The following GNG12 variants were observed in gnomAD, a reference collection of about 807,000 sequenced individuals.
GNG12 encodes guanine nucleotide-binding protein G(I)/G(S)/G(O) subunit gamma-12.
For missense variants in GNG12, 69 were observed against 83.8 expected (o/e 0.82, Z 0.69); for synonymous variants, 28 against 29.7 (o/e 0.94, Z 0.19).
Position 67,778,591 on chromosome 1 carries a change from C to T in GNG12, c.-76-1084G>A, listed in dbSNP as rs569664488. ...GCCAGGAACTGTTCTTGGCATGCCC[C>T]CATCTTACCCCAATTAAACGTCACA... is the stretch of plus-strand genomic sequence containing the variant. On this transcript the variant is annotated intron_variant, in intron 1 of 3. Coordinates refer to ENST00000370982, the MANE Select transcript of GNG12 (RefSeq NM_018841.6). Among the ~76,000 whole-genome samples, 10 of 152,250 alleles carry T rather than the reference C, an allele frequency of 6.6e-5. No individual in the cohort carries two copies. In the East Asian group the frequency reaches 1.3e-3, roughly 21 times the overall value.
chr1:67,764,995 A>G (rs1480217724), intron 2 of GNG12, among the ~76,000 whole-genome samples: 1 of 152,262 alleles, frequency 6.6e-6, no homozygotes, highest in Non-Finnish European at 1.5e-5. Context: ...TGGGTCAAAA[A>G]GCAACAGATT....
At chr1:67,771,685 A>G (rs1646675574) in intron 2 of GNG12, among the ~76,000 whole-genome samples, 1 of 152,254 alleles carries the variant, frequency 6.6e-6, no homozygotes, top group Non-Finnish European at 1.5e-5. Flanking sequence ...GACCCACCAC[A>G]GCAGACACAG....
intron 1 of GNG12, among the ~76,000 whole-genome samples, chr1:67,797,754 A>C (rs1570557607): frequency 6.6e-6 from 1 of 152,202 alleles, no homozygotes; most frequent in Non-Finnish European, 1.5e-5. Flanking sequence ...GTCCAATTCC[A>C]GTCAACCAGG....
chr1:67,795,857 A>G (rs1253103009), intron 1 of GNG12, among the ~76,000 whole-genome samples: 2 of 152,234 alleles, frequency 1.3e-5, no homozygotes, highest in Non-Finnish European at 2.9e-5. Flanking sequence ...AGGCAGGCAG[A>G]CCAACAGAGA....
At chr1:67,720,885 T>C (rs1406732177) in intron 2 of GNG12, among the ~76,000 whole-genome samples, 1 of 152,222 alleles carries the variant, frequency 6.6e-6, no homozygotes, top group Admixed American at 6.5e-5. Context: ...AAAATAGAAA[T>C]GGGAGCATAT....
chr1:67,740,154 C>G (rs1251151534), intron 2 of GNG12, among the ~76,000 whole-genome samples: 1 of 152,046 alleles, frequency 6.6e-6, no homozygotes, highest in Non-Finnish European at 1.5e-5. Context: ...ATAGTTTTAC[C>G]CGTGCTACTC....
At chr1:67,725,979 AAACAACT>A (rs1159254958) in intron 2 of GNG12, among the ~76,000 whole-genome samples, 12 of 152,244 alleles carry the variant, frequency 7.9e-5, no homozygotes, top group Admixed American at 3.9e-4. Context: ...ATGTTACTAT[AAACAACT>A]TGCTTGTTAA....
chr1:67,784,669 T>C (rs12036392), intron 1 of GNG12, among the ~76,000 whole-genome samples: 39,754 of 152,102 alleles, frequency 0.26, 5,455 homozygotes, highest in South Asian at 0.35. Context: ...TCTTGTAAGT[T>C]TGAATAAGTT....
intron 2 of GNG12, among the ~76,000 whole-genome samples, chr1:67,742,806 C>G (rs1427726381): frequency 6.6e-6 from 1 of 151,798 alleles, no homozygotes; most frequent in East Asian, 1.9e-4. Flanking sequence ...TATGGGCATA[C>G]ATTTATTTTA....
rs1646645156 is a variant in GNG12 at position 67,767,107 on chromosome 1, C to T, written c.-27+10351G>A. On this transcript the variant is annotated intron_variant, in intron 2 of 3. Transcript: ENST00000370982. ...TACAAAATTAGGAATATCACATTAGCTACAGGGCATTGGAATGGGATGTTG... is the reference window on the plus strand; with the variant it reads ...TACAAAATTAGGAATATCACATTAGTTACAGGGCATTGGAATGGGATGTTG... Among the ~76,000 whole-genome samples the T allele has an allele frequency of 2.0e-5, 3 of 152,156 alleles. No individual in the cohort carries two copies. The South Asian group carries it at 6.2e-4, about 31-fold the overall frequency.
At chr1:67,818,484 C>T (rs147192374) in intron 1 of GNG12, among the ~76,000 whole-genome samples, 4 of 131,592 alleles carry the variant, frequency 3.0e-5, no homozygotes, top group Admixed American at 1.8e-4. Context: ...AAAAATTCAG[C>T]GAAAAGGAAC....
At position 67,709,990 on chromosome 1, in the gene GNG12, ATATATATAGT is replaced by A. The variant is rs1450250747; in HGVS notation, c.-26-2288_-26-2279del. 3.1e-4 allele frequency among the ~76,000 whole-genome samples: 16 copies of A among 50,992 alleles called. 1 individual carries two copies. Among genetic ancestry groups the A allele is most frequent in the South Asian group, 7.5e-4 (1 of 1,332 alleles). The allele number at this position is 50,992 out of a possible 152,430, so 33.5% of individuals were successfully genotyped here. A position where few individuals can be genotyped will look rare whatever the true frequency, so the allele number is the denominator to read the frequency against. On this transcript the variant is annotated intron_variant, in intron 2 of 3. Coordinates refer to ENST00000370982, the MANE Select transcript of GNG12 (RefSeq NM_018841.6). ...TATATATAGTTATATATATATAGTT[ATATATATAGT>A]TATATATATAGTTATATATATAGTT...
intron 2 of GNG12, among the ~76,000 whole-genome samples, chr1:67,708,680 A>AT (rs1646264359): frequency 6.6e-6 from 1 of 152,166 alleles, no homozygotes; most frequent in East Asian, 1.9e-4. Context: ...GCCCTGACCT[A>AT]TATGGCTAAG....
At chr1:67,809,876 A>T (rs1302098537) in intron 1 of GNG12, among the ~76,000 whole-genome samples, 1 of 152,192 alleles carries the variant, frequency 6.6e-6, no homozygotes, top group Non-Finnish European at 1.5e-5. Flanking sequence ...TTAAAAAAAA[A>T]ATTAGACATA....
intron 2 of GNG12, among the ~76,000 whole-genome samples, chr1:67,737,754 T>A (rs1365958731): frequency 6.6e-6 from 1 of 152,200 alleles, no homozygotes; most frequent in Admixed American, 6.5e-5. Context: ...CATCTTCATA[T>A]ACTTTAACAA....
intron 1 of GNG12, among the ~76,000 whole-genome samples, chr1:67,818,874 G>A (rs972068229): frequency 3.9e-5 from 6 of 152,102 alleles, no homozygotes; most frequent in African/African-American, 1.2e-4. Context: ...AGACACAGCC[G>A]TTAAAAACAT....
chr1:67,803,849 G>A (rs1646880335), intron 1 of GNG12, among the ~76,000 whole-genome samples: 1 of 152,176 alleles, frequency 6.6e-6, no homozygotes, highest in Admixed American at 6.5e-5. Flanking sequence ...AGGGAATGAT[G>A]TTTCTGCTAC....
chr1:67,705,347 A>G lies in GNG12; in HGVS notation c.*104T>C. ...CATTATTCCAAGCTGAGAACATTTT[A>G]GTTATTAGCAGTGGTTACCAAATAA... On this transcript the variant is annotated 3_prime_UTR_variant, in exon 4 of 4. Coordinates refer to ENST00000370982, the MANE Select transcript of GNG12 (RefSeq NM_018841.6). 6.7e-7 allele frequency: 1 copy of G among 1,492,386 alleles called. No individual in the cohort carries two copies. The highest frequency in any genetic ancestry group is 8.9e-7 in the Non-Finnish European group (1 of 1,121,014). The allele number at this position is 1,492,386 out of a possible 1,614,324, so 92.4% of individuals were successfully genotyped here. A position where few individuals can be genotyped will look rare whatever the true frequency, so the allele number is the denominator to read the frequency against.
chr1:67,814,120 T>C (rs1397026653), intron 1 of GNG12, among the ~76,000 whole-genome samples: 2 of 152,094 alleles, frequency 1.3e-5, no homozygotes, highest in East Asian at 1.9e-4. Flanking sequence ...ATGAACCTTT[T>C]CCCACCTTTA....
Sources: allele counts gnomAD v4.1 joint callset (sites outside exome capture counted in the v4.1 genomes callset), GRCh38; gene constraint gnomAD v4.1.1; transcripts MANE v1.5; gene names NCBI Gene and HGNC (gene_info 2026-07-23, HGNC 2026-07-21).